Variants in MBNL1 observed in about 807,000 individuals in gnomAD.
The protein encoded by MBNL1 is muscleblind-like protein 1.
MBNL1 carries 8 observed loss-of-function variants against 42.2 expected under a neutral mutation model. The ratio of observed to expected loss-of-function variants is 0.19; its 90% CI spans 0.11 to 0.34. The LOEUF (loss-of-function observed/expected upper bound fraction) is 0.34. Among genes scored for constraint, MBNL1 ranks in the 10% least tolerant of loss-of-function variants. The pLI, the probability that MBNL1 is intolerant of heterozygous loss-of-function variation, is 1.00. For synonymous variants in MBNL1, 169 were observed against 173.9 expected (o/e 0.97, Z 0.22); for missense variants, 309 against 495.3 (o/e 0.62, Z 3.57).
intron 2 of MBNL1, among the ~76,000 whole-genome samples, chr3:152,313,046 G>A (rs900685433): frequency 3.4e-5 from 5 of 148,820 alleles, no homozygotes; most frequent in African/African-American, 7.4e-5. Context: ...TTTTTGAGAC[G>A]GAGTCTCGCC....
At chr3:152,403,520 A>G (rs555765860) in intron 2 of MBNL1, among the ~76,000 whole-genome samples, 24 of 152,188 alleles carry the variant, frequency 1.6e-4, no homozygotes, top group African/African-American at 5.8e-4. Flanking sequence ...CTAGACACAT[A>G]CTGTATATGA....
chr3:152,459,869 T>A (rs1255384723), intron 9 of MBNL1, among the ~76,000 whole-genome samples: 1 of 41,108 alleles, frequency 2.4e-5, no homozygotes, highest in Non-Finnish European at 6.0e-5. Flanking sequence ...GATTATCACT[T>A]TTTTTTTTTT....
At chr3:152,268,586 T>C (rs532852878), upstream of MBNL1, 77 of 361,992 alleles carry the variant, frequency 2.1e-4, 1 homozygote, top group African/African-American at 1.6e-3. Context: ...CGCCGCGAGG[T>C]TACAATGCTG....
rs565975542 is a variant in MBNL1, at chr3:152,295,918, G to A, written c.-789-3487G>A. 3.9e-5 allele frequency among the ~76,000 whole-genome samples: 6 copies of A among 152,324 alleles called. 1 individual carries two copies. The South Asian group carries it at 1.2e-3, about 32-fold the overall frequency. On this transcript the variant is annotated intron_variant, in intron 1 of 9. Transcript: ENST00000324210. ...AGAAGCAACAAGATAAAATGTATCA[G>A]TTTGTTAAAAGGGAAAGGTTCAAGA...
At chr3:152,405,710 A>G (rs1156881545) in intron 2 of MBNL1, among the ~76,000 whole-genome samples, 3 of 152,152 alleles carry the variant, frequency 2.0e-5, no homozygotes, top group Admixed American at 1.3e-4. Context: ...TTTAATAGAG[A>G]CAGTCATACT....
At chr3:152,310,893 GATAAGGAAGTGTTTCATTTC>G (rs2152028625) in intron 2 of MBNL1, among the ~76,000 whole-genome samples, 1 of 150,750 alleles carries the variant, frequency 6.6e-6, no homozygotes, top group East Asian at 2.0e-4. Flanking sequence ...AAAGGCATCA[GATAAGGAAGTGTTTCATTTC>G]ATAACTTTTT....
intron 1 of MBNL1, among the ~76,000 whole-genome samples, chr3:152,290,608 A>G (rs2055356079): frequency 6.6e-6 from 1 of 152,146 alleles, no homozygotes; most frequent in Non-Finnish European, 1.5e-5. Context: ...TGAATTTGCT[A>G]CCATTATTTA....
chr3:152,423,039 G>A (rs1437868871), intron 3 of MBNL1, among the ~76,000 whole-genome samples: 1 of 152,120 alleles, frequency 6.6e-6, no homozygotes, highest in East Asian at 1.9e-4. Flanking sequence ...TTAAAATAAC[G>A]AGAGAAGCAA....
intron 2 of MBNL1, among the ~76,000 whole-genome samples, chr3:152,335,397 TG>T (rs1419200405): frequency 3.3e-5 from 5 of 152,232 alleles, no homozygotes; most frequent in African/African-American, 1.2e-4. Context: ...ATCTGATCTG[TG>T]ATTCTGTATA....
chr3:152,356,577 C>T (rs1191345111), intron 2 of MBNL1, among the ~76,000 whole-genome samples: 1 of 152,164 alleles, frequency 6.6e-6, no homozygotes, highest in Non-Finnish European at 1.5e-5. Flanking sequence ...TCAAGTGATT[C>T]TTGTGTCTCA....
chr3:152,457,782 CTG>C (rs1736694650), intron 8 of MBNL1: 1 of 233,642 alleles, frequency 4.3e-6, no homozygotes, highest in Non-Finnish European at 8.5e-6. Flanking sequence ...CCATGTATGA[CTG>C]TAGAATTGCT....
intron 2 of MBNL1, among the ~76,000 whole-genome samples, chr3:152,406,889 CT>C: frequency 6.6e-6 from 1 of 152,206 alleles, no homozygotes; most frequent in East Asian, 1.9e-4. Context: ...AGATTATGCA[CT>C]GATGAAAAAA....
chr3:152,344,799 T>G (rs1298730516), intron 2 of MBNL1, among the ~76,000 whole-genome samples: 1 of 152,044 alleles, frequency 6.6e-6, no homozygotes, highest in African/African-American at 2.4e-5. Context: ...TGTGCTATTA[T>G]TATTTTCAGA....
At chr3:152,319,605 T>C (rs1209946146) in intron 2 of MBNL1, among the ~76,000 whole-genome samples, 1 of 138,654 alleles carries the variant, frequency 7.2e-6, no homozygotes. Context: ...GGCATTAAAG[T>C]TCTATACTGT....
chr3:152,430,556 T>C (rs895111265), intron 3 of MBNL1, among the ~76,000 whole-genome samples: 2 of 152,248 alleles, frequency 1.3e-5, no homozygotes, highest in African/African-American at 4.8e-5. Flanking sequence ...CTGGTCTGGC[T>C]GGATTTTCAT....
chr3:152,364,652 T>C (rs1048586876), intron 2 of MBNL1, among the ~76,000 whole-genome samples: 1 of 152,098 alleles, frequency 6.6e-6, no homozygotes, highest in Non-Finnish European at 1.5e-5. Flanking sequence ...AATCTAACTA[T>C]GTTTTATTTT....
At chr3:152,326,778 A>ATTAATTATTTAT (rs1553828478) in intron 2 of MBNL1, among the ~76,000 whole-genome samples, 5 of 141,964 alleles carry the variant, frequency 3.5e-5, no homozygotes, top group Admixed American at 7.1e-5. Context: ...CCTTGGGAAA[A>ATTAATTATTTAT]TTATTTATTT....
At chr3:152,426,640 CTGGAGTT>C (rs889530321) in intron 3 of MBNL1, among the ~76,000 whole-genome samples, 210 of 152,252 alleles carry the variant, frequency 1.4e-3, no homozygotes, top group African/African-American at 4.8e-3. Flanking sequence ...TGCATGATAT[CTGGAGTT>C]TCTCTAGTAA....
intron 3 of MBNL1, among the ~76,000 whole-genome samples, chr3:152,423,591 G>A (rs2098841883): frequency 6.6e-6 from 1 of 152,168 alleles, no homozygotes; most frequent in South Asian, 2.1e-4. Flanking sequence ...TGTGAGGCCA[G>A]CATCGTCCTG....
Sources: gnomAD v4.1 joint callset for allele counts (sites outside exome capture counted in the v4.1 genomes callset) on GRCh38, gnomAD v4.1.1 for gene constraint, MANE v1.5 for transcripts, NCBI Gene and HGNC (gene_info 2026-07-23, HGNC 2026-07-21) for gene names.